The following ELMO1 variants were observed in gnomAD, a reference collection of about 807,000 sequenced individuals.
ELMO1 encodes engulfment and cell motility 1, also known as engulfment and cell motility protein 1.
Under a neutral mutation model 98.9 loss-of-function variants are expected in ELMO1, and 26 were observed. The ratio of observed to expected loss-of-function variants is 0.26; its 90% CI spans 0.19 to 0.36. ELMO1 has a LOEUF of 0.36. Ranked by LOEUF, ELMO1 falls within the 10% of genes least tolerant of loss-of-function variation. ELMO1 has a pLI of 1.00. For synonymous variants in ELMO1, 346 were observed against 346.0 expected (o/e 1.00, Z 0.00); for missense variants, 627 against 935.2 (o/e 0.67, Z 4.30).
chr7:37,404,926 A>T (rs977292485), intron 1 of ELMO1, among the ~76,000 whole-genome samples: 1 of 151,888 alleles, frequency 6.6e-6, no homozygotes, highest in African/African-American at 2.4e-5. Flanking sequence ...CCCATTTTTA[A>T]TTTTTTTCTG....
intron 14 of ELMO1, among the ~76,000 whole-genome samples, chr7:37,130,106 T>C (rs1786809120): frequency 6.6e-6 from 1 of 152,272 alleles, no homozygotes. Flanking sequence ...GACCCCCACA[T>C]CTGTGTTGGT....
chr7:36,923,358 A>G (rs982980003), intron 16 of ELMO1, among the ~76,000 whole-genome samples: 2 of 152,210 alleles, frequency 1.3e-5, no homozygotes, highest in African/African-American at 2.4e-5. Flanking sequence ...CTCAGGTAGG[A>G]GAGTAAAGGT....
chr7:37,347,586 A>AC (rs1457840539), intron 1 of ELMO1, among the ~76,000 whole-genome samples: 2 of 151,904 alleles, frequency 1.3e-5, no homozygotes, highest in African/African-American at 4.8e-5. Context: ...TAAGGGGAAC[A>AC]CCCTCTCACT....
At chr7:37,119,163 G>A (rs564849686) in intron 14 of ELMO1, among the ~76,000 whole-genome samples, 8 of 152,210 alleles carry the variant, frequency 5.3e-5, no homozygotes, top group Non-Finnish European at 7.3e-5. Flanking sequence ...TGTGATTGCT[G>A]TGATCATTGA....
chr7:36,894,831 G>T, intron 17 of ELMO1, 23 bp downstream of exon 17: 1 of 1,613,932 alleles, frequency 6.2e-7, no homozygotes, highest in South Asian at 1.1e-5. Context: ...TTGGGAGATA[G>T]AAGTCAATAC....
At chr7:37,301,804 G>A (rs1469903714) in intron 4 of ELMO1, among the ~76,000 whole-genome samples, 2 of 152,002 alleles carry the variant, frequency 1.3e-5, no homozygotes, top group South Asian at 2.1e-4. Context: ...TGGTTTACAC[G>A]ATTATTGTTC....
chr7:37,107,161 A>G (rs528421428), intron 14 of ELMO1, among the ~76,000 whole-genome samples: 2 of 152,364 alleles, frequency 1.3e-5, no homozygotes, highest in South Asian at 4.1e-4. Flanking sequence ...TGTATGAACA[A>G]AAGTCCATTT....
intron 16 of ELMO1, among the ~76,000 whole-genome samples, chr7:36,987,752 C>T (rs1791614770): frequency 1.3e-5 from 2 of 152,202 alleles, no homozygotes; most frequent in South Asian, 4.1e-4. Flanking sequence ...CCATCCAACT[C>T]CAAATGCTCA....
At chr7:37,307,791 T>C (rs1212163190) in intron 4 of ELMO1, among the ~76,000 whole-genome samples, 1 of 152,218 alleles carries the variant, frequency 6.6e-6, no homozygotes, top group African/African-American at 2.4e-5. Context: ...TACCCAGCAT[T>C]TGTTGTCAAT....
In ELMO1 at chr7:37,188,487, T is replaced by TTAAAAAA. The variant is rs1318399531; in HGVS notation, c.1086+22898_1086+22899insTTTTTTA. Among the ~76,000 whole-genome samples the TTAAAAAA allele has an allele frequency of 3.1e-4, 10 of 32,048 alleles. 1 individual carries two copies. The Admixed American group carries it at 3.5e-3, about 11-fold the overall frequency. The allele number at this position is 32,048 out of a possible 152,430, so 21.0% of individuals were successfully genotyped here. Reference sequence around the variant, plus strand: ...ACACACACAGGCCACTGGAGAAAGGTAAAAAAAAAAAAAAAATAATAATAA... The same window carrying TTAAAAAA: ...ACACACACAGGCCACTGGAGAAAGGTTAAAAAAAAAAAAAAAAAAAAAATAATAATAA... On this transcript the variant is annotated intron_variant, in intron 13 of 21. Coordinates refer to ENST00000310758, the MANE Select transcript of ELMO1 (RefSeq NM_014800.11).
At chr7:37,261,657 C>T (rs1488620835) in intron 5 of ELMO1, among the ~76,000 whole-genome samples, 1 of 151,972 alleles carries the variant, frequency 6.6e-6, no homozygotes, top group Non-Finnish European at 1.5e-5. Flanking sequence ...GGCTGGAGTG[C>T]AGTGGCACAA....
intron 16 of ELMO1, among the ~76,000 whole-genome samples, chr7:36,987,389 G>A (rs764615881): frequency 4.6e-5 from 7 of 152,178 alleles, no homozygotes; most frequent in Non-Finnish European, 8.8e-5. Context: ...AGGGGTCTGC[G>A]GAAGCCCTCA....
chr7:37,097,251 A>C (rs1784409489), intron 14 of ELMO1, among the ~76,000 whole-genome samples: 3 of 152,156 alleles, frequency 2.0e-5, no homozygotes, highest in Admixed American at 2.0e-4. Context: ...TAAGAGAAAA[A>C]CTGGGGCCGG....
At chr7:37,218,925 C>T (rs1030468417) in intron 10 of ELMO1, among the ~76,000 whole-genome samples, 9 of 152,262 alleles carry the variant, frequency 5.9e-5, no homozygotes, top group African/African-American at 1.9e-4. Context: ...TTAAATAGTG[C>T]TTATCAAAAG....
chr7:37,020,176 G>A (rs545916554), intron 15 of ELMO1, among the ~76,000 whole-genome samples: 2 of 152,286 alleles, frequency 1.3e-5, no homozygotes, highest in South Asian at 4.1e-4. Flanking sequence ...ACCTGCAAAT[G>A]AGTTGGGCTA....
chr7:36,942,747 C>CTAA (rs1562843528), intron 16 of ELMO1, among the ~76,000 whole-genome samples: 1 of 152,128 alleles, frequency 6.6e-6, no homozygotes, highest in Non-Finnish European at 1.5e-5. Flanking sequence ...GCTTTGCATG[C>CTAA]TAATTAGATT....
chr7:37,275,462 C>G (rs1796781298), intron 4 of ELMO1, among the ~76,000 whole-genome samples: 1 of 152,230 alleles, frequency 6.6e-6, no homozygotes, highest in African/African-American at 2.4e-5. Context: ...GGGCTCAATT[C>G]CTGCTCTGCT....
intron 6 of ELMO1, among the ~76,000 whole-genome samples, chr7:37,247,947 T>G (rs1252887945): frequency 2.7e-5 from 4 of 146,226 alleles, no homozygotes; most frequent in Non-Finnish European, 3.0e-5. Context: ...GTAGTTGCTG[T>G]AAACTTTTAA....
intron 16 of ELMO1, among the ~76,000 whole-genome samples, chr7:36,908,551 A>T (rs56100318): frequency 0.049 from 7,098 of 146,286 alleles, 346 homozygotes; most frequent in African/African-American, 0.13. Context: ...AAGATTTGTT[A>T]TTTTTTTTTT....
Sources: allele counts gnomAD v4.1 joint callset (sites outside exome capture counted in the v4.1 genomes callset), GRCh38; gene constraint gnomAD v4.1.1; transcripts MANE v1.5; gene names NCBI Gene and HGNC (gene_info 2026-07-23, HGNC 2026-07-21).